The following ANOS1 variants were observed in gnomAD, a reference collection of about 807,000 sequenced individuals.
ANOS1 encodes anosmin 1.
In ANOS1, 6 loss-of-function variants were observed where a neutral mutation model predicts 59.0. The observed-to-expected ratio is 0.10, with a 90% CI of 0.06 to 0.20. ANOS1 has a LOEUF of 0.20. Ranked by LOEUF, ANOS1 falls within the 10% of genes least tolerant of loss-of-function variation. ANOS1 has a pLI of 1.00. For synonymous variants in ANOS1, 217 were observed against 223.4 expected, an observed-to-expected ratio of 0.97 and a Z score of 0.25; for missense variants, 433 against 542.3, an observed-to-expected ratio of 0.80 and a Z score of 2.00.
intron 1 of ANOS1, among the ~76,000 whole-genome samples, chrX:8,727,092 T>C (rs759684984): frequency 1.8e-5 from 2 of 112,489 alleles, no homozygotes; most frequent in Admixed American, 1.9e-4. Flanking sequence ...CAAGAGGACC[T>C]AGGCTTGGGG....
At chrX:8,632,988 T>A (rs1159151868) in intron 2 of ANOS1, among the ~76,000 whole-genome samples, 1 of 111,535 alleles carries the variant, frequency 9.0e-6, no homozygotes, top group African/African-American at 3.3e-5. Context: ...CCTTTAGAAG[T>A]ATTCATGGCC....
chrX:8,714,442 G>A (rs6640218), intron 1 of ANOS1, among the ~76,000 whole-genome samples: 40,416 of 109,774 alleles, frequency 0.37, 5,472 homozygotes, highest in East Asian at 0.61. Context: ...AGGTGGAGAG[G>A]ATATGCTTCC....
At chrX:8,632,279 T>C (rs1192525323) in intron 2 of ANOS1, among the ~76,000 whole-genome samples, 1 of 112,295 alleles carries the variant, frequency 8.9e-6, no homozygotes, top group Non-Finnish European at 1.9e-5. Flanking sequence ...TATACGTTTC[T>C]GATACATAAA....
intron 2 of ANOS1, among the ~76,000 whole-genome samples, chrX:8,662,655 C>T (rs1208258144): frequency 1.8e-5 from 2 of 111,893 alleles, no homozygotes; most frequent in East Asian, 5.6e-4. Flanking sequence ...TAGGGTGGGC[C>T]CTCACCCAAT....
At chrX:8,574,909 C>T (rs1390191082) in intron 6 of ANOS1, among the ~76,000 whole-genome samples, 1 of 111,473 alleles carries the variant, frequency 9.0e-6, no homozygotes, top group Non-Finnish European at 1.9e-5. Flanking sequence ...TATTAGGTAC[C>T]TTGTTTGCTG....
intron 5 of ANOS1, 82 bp from the exon 6 acceptor site, chrX:8,585,478 C>T: frequency 1.8e-6 from 2 of 1,082,132 alleles, no homozygotes; most frequent in Non-Finnish European, 2.6e-6. Flanking sequence ...GAAAAATACA[C>T]TAACCCATCA....
chrX:8,557,314 G>A lies in ANOS1; in HGVS notation c.1208-3216C>T, dbSNP rs892117586. On this transcript the variant is annotated intron_variant, in intron 8 of 13. Transcript: ENST00000262648. The stretch of plus-strand genomic sequence containing the variant: ...AAAAGCAATTGCAACAAAAGCCAAA[G>A]TTGACAAATGGGATCTAATTAAACT... Among the ~76,000 whole-genome samples the A allele has an allele frequency of 3.6e-5, 4 of 111,710 alleles. No individual in the cohort carries two copies. The East Asian group carries it at 1.1e-3, about 31-fold the overall frequency.
chrX:8,705,563 T>A (rs1480369460), intron 1 of ANOS1, among the ~76,000 whole-genome samples: 1 of 111,541 alleles, frequency 9.0e-6, no homozygotes, highest in African/African-American at 3.3e-5. Flanking sequence ...AAACCCCCGA[T>A]TAATGCTGGC....
chrX:8,546,788 C>T (rs1284589890), intron 9 of ANOS1, among the ~76,000 whole-genome samples: 5 of 111,897 alleles, frequency 4.5e-5, no homozygotes, highest in Admixed American at 9.5e-5. Context: ...CTTTGTTAGT[C>T]GAAGTACTGT....
intron 2 of ANOS1, among the ~76,000 whole-genome samples, chrX:8,689,488 A>C (rs1247944910): frequency 1.8e-5 from 2 of 110,135 alleles, no homozygotes; most frequent in Non-Finnish European, 3.8e-5. Context: ...GCTTGAGCTC[A>C]GGAGTTCAAA....
chrX:8,711,198 C>T (rs1290621606), intron 1 of ANOS1, among the ~76,000 whole-genome samples: 3 of 112,384 alleles, frequency 2.7e-5, no homozygotes, highest in African/African-American at 6.5e-5. Context: ...TAGTCATTGT[C>T]ACACATCAGA....
Position 8,538,471 on chromosome X carries a change from G to T in ANOS1, c.1449+1193C>A, listed in dbSNP as rs147943912. On this transcript the variant is annotated intron_variant, in intron 10 of 13. Transcript: ENST00000262648. ...CTACCAGATACATTACATCTGCTCA[G>T]CAAATAGTTGTTACCACTTTCAGAG... Among the ~76,000 whole-genome samples the T allele has an allele frequency of 6.6e-3, 736 of 111,932 alleles. 9 individuals are homozygous for T. Among genetic ancestry groups the T allele is most frequent in the African/African-American group, 0.023 (717 of 30,834 alleles).
chrX:8,645,939 T>C (rs1000634035), intron 2 of ANOS1, among the ~76,000 whole-genome samples: 4 of 109,606 alleles, frequency 3.6e-5, no homozygotes, highest in Non-Finnish European at 1.9e-5. Flanking sequence ...CCACCACTCC[T>C]GGCTGTGTCT....
Position 8,534,566 on chromosome X carries a change from C to T in ANOS1, c.1843-106G>A, listed in dbSNP as rs144908646. 1.9e-5 allele frequency: 16 copies of T among 824,466 alleles called. No homozygotes were observed. In the African/African-American group the frequency reaches 2.8e-4, roughly 15 times the overall value. The allele number at this position is 824,466 out of a possible 1,213,427, so 67.9% of individuals were successfully genotyped here. On this transcript the variant is annotated intron_variant, in intron 12 of 13. Transcript: ENST00000262648. ...TTTTCCCCCACTGGAGAATATCATA[C>T]ACAGGCAAGTTTGGTTGCTTTGTAA...
chrX:8,705,500 A>G (rs1932775273), intron 1 of ANOS1, among the ~76,000 whole-genome samples: 1 of 111,083 alleles, frequency 9.0e-6, no homozygotes, highest in Non-Finnish European at 1.9e-5. Flanking sequence ...TGTGCTATTT[A>G]TCTCTACTAA....
chrX:8,587,849 T>C lies in ANOS1; in HGVS notation c.671A>G (p.Asn224Ser). Residue 224 changes from asparagine (N) to serine (S), a missense_variant, in exon 5 of 14, where the codon AAT becomes AGT. Asn to Ser is a conservative substitution (Grantham distance 46). Transcript: ENST00000262648. The stretch of plus-strand genomic sequence containing the variant: ...ATCTTCGCTAGGATGGATTCCATAA[T>C]TCCATCTTCTTTGTACCACATAGAT... ...PVIYVVQRRW[N>S]YGIHPSEDDA... 1 of 1,206,303 alleles carries C rather than the reference T, an allele frequency of 8.3e-7. No individual in the cohort carries two copies. Among genetic ancestry groups the C allele is most frequent in the Non-Finnish European group, 1.1e-6 (1 of 891,969 alleles).
chrX:8,612,403 C>T, intron 3 of ANOS1, among the ~76,000 whole-genome samples: 1 of 110,772 alleles, frequency 9.0e-6, no homozygotes, highest in South Asian at 3.7e-4. Flanking sequence ...AATAAGGTCT[C>T]AAATTAATTA....
chrX:8,581,105 T>C (rs1165857838), intron 6 of ANOS1, among the ~76,000 whole-genome samples: 3 of 110,709 alleles, frequency 2.7e-5, no homozygotes, highest in African/African-American at 1.0e-4. Flanking sequence ...ACACCTGATA[T>C]GGTTTGGCTG....
chrX:8,564,391 C>T (rs914085092), intron 8 of ANOS1, among the ~76,000 whole-genome samples: 1 of 111,926 alleles, frequency 8.9e-6, no homozygotes, highest in African/African-American at 3.2e-5. Context: ...AGAATGAAAC[C>T]AGCATCAATG....
Sources: gnomAD v4.1 joint callset for allele counts (sites outside exome capture counted in the v4.1 genomes callset) on GRCh38, gnomAD v4.1.1 for gene constraint, MANE v1.5 for transcripts, NCBI Gene and HGNC (gene_info 2026-07-23, HGNC 2026-07-21) for gene names.